Variants in FOXP1 observed in about 807,000 individuals in gnomAD.
FOXP1 encodes forkhead box P1, also known as forkhead box protein P1.
Under a neutral mutation model 98.2 loss-of-function variants are expected in FOXP1, and 15 were observed. That is an observed-to-expected ratio of 0.15 (90% CI 0.10 to 0.24). The LOEUF is 0.24. FOXP1 is among the 10% of genes least tolerant of loss of function. FOXP1 has a pLI of 1.00. For missense variants in FOXP1, 633 were observed against 848.5 expected, an observed-to-expected ratio of 0.75 and a Z score of 3.15; for synonymous variants, 371 against 314.5, an observed-to-expected ratio of 1.18 and a Z score of -1.90.
chr3:71,446,350 G>C (rs2086443082), intron 3 of FOXP1, among the ~76,000 whole-genome samples: 1 of 152,118 alleles, frequency 6.6e-6, no homozygotes, highest in Non-Finnish European at 1.5e-5. Flanking sequence ...GGAGGAAACA[G>C]GGAGGGTAAT....
chr3:71,485,707 T>C (rs2090595397), intron 3 of FOXP1, among the ~76,000 whole-genome samples: 1 of 151,240 alleles, frequency 6.6e-6, no homozygotes, highest in African/African-American at 2.4e-5. Context: ...AGGCAGAGGT[T>C]GCAGTGAGCC....
At position 70,970,367 on chromosome 3, in the gene FOXP1, T is replaced by C. The variant is rs186935680; in HGVS notation, c.1722+369A>G. ...GCTTTCTCTTTAAACCCATGAACAA[T>C]AGAAGGTCATGTGACGCAGTGGCCT... On this transcript the variant is annotated intron_variant, in intron 19 of 20. Coordinates refer to ENST00000649528, the MANE Select transcript of FOXP1 (RefSeq NM_001349338.3). The C allele has an allele frequency of 1.9e-4, 55 of 287,592 alleles. 1 individual carries two copies. Among genetic ancestry groups the C allele is most frequent in the Middle Eastern group, 2.5e-3 (2 of 808 alleles). 17.8% of individuals were successfully genotyped at this position (287,592 alleles called of 1,614,324 possible).
At chr3:71,209,675 C>A (rs2064308042) in intron 5 of FOXP1, among the ~76,000 whole-genome samples, 1 of 152,122 alleles carries the variant, frequency 6.6e-6, no homozygotes, top group South Asian at 2.1e-4. Flanking sequence ...TAAGAAGAAA[C>A]GTTTAATCTC....
chr3:71,012,781 T>TG (rs1275647506), intron 12 of FOXP1, among the ~76,000 whole-genome samples: 1 of 152,076 alleles, frequency 6.6e-6, no homozygotes. Flanking sequence ...TCTGTTTCCC[T>TG]GGGGCTTGAA....
upstream of FOXP1, chr3:71,583,929 G>GC: frequency 1.1e-5 from 11 of 984,046 alleles, no homozygotes; most frequent in Non-Finnish European, 1.3e-5. Context: ...CACTCCAGCG[G>GC]CCCCCCGAGC....
At position 71,282,096 on chromosome 3, in the gene FOXP1, GA is replaced by G. The variant is rs1234773641; in HGVS notation, c.-12+17723del. ...TGCACTCCAGCCTCGGTGACAGAGT[GA>G]AAAAAAAAAATCTAAGCTGTAACAA... is the stretch of plus-strand genomic sequence containing the variant. On this transcript the variant is annotated intron_variant, in intron 5 of 20. Coordinates refer to ENST00000649528, the MANE Select transcript of FOXP1 (RefSeq NM_001349338.3). Among the ~76,000 whole-genome samples, 1,030 of 146,676 alleles carry G rather than the reference GA, an allele frequency of 7.0e-3. 10 individuals carry two copies. The highest frequency in any genetic ancestry group is 0.024 in the African/African-American group (960 of 40,256).
At chr3:71,062,394 T>C (rs552327342) in intron 7 of FOXP1, among the ~76,000 whole-genome samples, 3 of 152,370 alleles carry the variant, frequency 2.0e-5, no homozygotes, top group East Asian at 3.9e-4. Context: ...CGCGTTTCTA[T>C]GGCTGCAGAC....
At chr3:71,017,927 A>G (rs951886127) in intron 11 of FOXP1, among the ~76,000 whole-genome samples, 3 of 152,194 alleles carry the variant, frequency 2.0e-5, no homozygotes, top group Non-Finnish European at 4.4e-5. Flanking sequence ...GCACACTCTT[A>G]GCCAGTATAC....
intron 12 of FOXP1, among the ~76,000 whole-genome samples, chr3:71,002,475 C>A (rs1424061131): frequency 2.6e-5 from 4 of 152,146 alleles, no homozygotes; most frequent in African/African-American, 9.7e-5. Context: ...CAATAGAAGA[C>A]CACACAAGGA....
intron 10 of FOXP1, among the ~76,000 whole-genome samples, chr3:71,043,446 T>G (rs2048615388): frequency 1.3e-5 from 2 of 152,140 alleles, no homozygotes; most frequent in South Asian, 4.1e-4. Context: ...CCTTTCGAAG[T>G]GACAGGTGGG....
chr3:71,435,979 G>GGAGGGAAA (rs2085309710), intron 3 of FOXP1, among the ~76,000 whole-genome samples: 1 of 143,514 alleles, frequency 7.0e-6, no homozygotes, highest in Non-Finnish European at 1.6e-5. Flanking sequence ...AAGGAGGGAA[G>GGAGGGAAA]GAGGGAAGGA....
chr3:71,279,136 C>A (rs1490583417), intron 5 of FOXP1, among the ~76,000 whole-genome samples: 2 of 132,262 alleles, frequency 1.5e-5, no homozygotes, highest in African/African-American at 5.8e-5. Context: ...CACGCCGTTG[C>A]ACTCCAGCCT....
chr3:71,137,774 C>CTATTTATT (rs143247862), intron 6 of FOXP1, among the ~76,000 whole-genome samples: 2 of 140,692 alleles, frequency 1.4e-5, no homozygotes, highest in African/African-American at 5.1e-5. Context: ...AAAGATAATT[C>CTATTTATT]TATTTATTTA....
intron 5 of FOXP1, among the ~76,000 whole-genome samples, chr3:71,285,585 T>G (rs1314351210): frequency 2.0e-5 from 3 of 152,192 alleles, no homozygotes; most frequent in Non-Finnish European, 4.4e-5. Context: ...GTAAATTCCC[T>G]TAACATAGCT....
intron 3 of FOXP1, among the ~76,000 whole-genome samples, chr3:71,365,760 AGATCAC>A (rs2078881481): frequency 6.6e-6 from 1 of 152,216 alleles, no homozygotes; most frequent in African/African-American, 2.4e-5. Flanking sequence ...CAAGCCCGGC[AGATCAC>A]GAGGTCAAGA....
At chr3:71,410,357 T>C (rs1232961776) in intron 3 of FOXP1, among the ~76,000 whole-genome samples, 9 of 152,262 alleles carry the variant, frequency 5.9e-5, no homozygotes. Flanking sequence ...TGTTTCCTTA[T>C]TGGAGCTAGT....
intron 6 of FOXP1, among the ~76,000 whole-genome samples, chr3:71,174,819 CACACACA>C (rs2061840982): frequency 6.6e-6 from 1 of 151,184 alleles, no homozygotes; most frequent in Admixed American, 6.6e-5. Context: ...CACACACACA[CACACACA>C]CCCCAATATA....
chr3:71,106,283 TTC>T (rs1468954963), intron 7 of FOXP1, among the ~76,000 whole-genome samples: 3 of 152,254 alleles, frequency 2.0e-5, no homozygotes, highest in African/African-American at 7.2e-5. Context: ...TGCATTGTAA[TTC>T]TTAGATACAT....
intron 2 of FOXP1, among the ~76,000 whole-genome samples, chr3:71,546,260 C>G (rs1238075849): frequency 1.3e-5 from 2 of 152,136 alleles, no homozygotes; most frequent in African/African-American, 4.8e-5. Flanking sequence ...CCACTTTGGC[C>G]TCATTAGCAG....
Sources: gnomAD v4.1 joint callset for allele counts (sites outside exome capture counted in the v4.1 genomes callset) on GRCh38, gnomAD v4.1.1 for gene constraint, MANE v1.5 for transcripts, NCBI Gene and HGNC (gene_info 2026-07-23, HGNC 2026-07-21) for gene names.